RHOBTB1: variants seen among roughly 807,000 people sequenced by gnomAD.
The protein encoded by RHOBTB1 is rho-related BTB domain-containing protein 1.
A neutral mutation model predicts 71.6 loss-of-function variants in RHOBTB1; 40 were observed. The ratio of observed to expected loss-of-function variants is 0.56; its 90% CI spans 0.43 to 0.73. The LOEUF (loss-of-function observed/expected upper bound fraction) is 0.73, where lower values mean the gene tolerates loss of function less well. RHOBTB1 is among the 30% of genes least tolerant of loss of function. RHOBTB1 has a pLI of 0.00. For synonymous variants in RHOBTB1, 319 were observed against 334.9 expected (o/e 0.95, Z 0.52); for missense variants, 797 against 894.0 (o/e 0.89, Z 1.38).
chr10:60,988,127 GA>G (rs2086731151), intron 1 of RHOBTB1, among the ~76,000 whole-genome samples: 1 of 150,728 alleles, frequency 6.6e-6, no homozygotes, highest in African/African-American at 2.4e-5. Flanking sequence ...TTAGAGACGG[GA>G]TTTCACTGTG....
chr10:60,963,361 C>T (rs1027210034), intron 2 of RHOBTB1, among the ~76,000 whole-genome samples: 6 of 152,104 alleles, frequency 3.9e-5, no homozygotes, highest in African/African-American at 1.4e-4. Flanking sequence ...AATATTCTGA[C>T]TACAATAAAA....
intron 2 of RHOBTB1, among the ~76,000 whole-genome samples, chr10:60,953,716 G>A (rs1280681031): frequency 3.3e-5 from 5 of 151,970 alleles, no homozygotes; most frequent in Non-Finnish European, 7.4e-5. Flanking sequence ...TGTTTATACT[G>A]TAATATTTCT....
At chr10:60,911,590 A>C (rs1483311563) in intron 2 of RHOBTB1, 38 bp from the exon 3 acceptor site, 1 of 1,537,846 alleles carries the variant, frequency 6.5e-7, no homozygotes, top group East Asian at 2.3e-5. Flanking sequence ...AAGGACACCA[A>C]GGCTTTCCAG....
chr10:60,918,997 C>T (rs760239780), intron 2 of RHOBTB1, among the ~76,000 whole-genome samples: 8 of 152,120 alleles, frequency 5.3e-5, no homozygotes, highest in Non-Finnish European at 1.0e-4. Context: ...TCACCCACCT[C>T]GGCCTCCCAA....
chr10:60,986,431 A>T (rs1251538314), intron 1 of RHOBTB1, among the ~76,000 whole-genome samples: 3 of 134,616 alleles, frequency 2.2e-5, no homozygotes, highest in East Asian at 4.5e-4. Flanking sequence ...ATATATATAT[A>T]AAATATATAT....
intron 2 of RHOBTB1, among the ~76,000 whole-genome samples, chr10:60,931,832 T>C (rs552220458): frequency 6.6e-6 from 1 of 152,154 alleles, no homozygotes; most frequent in African/African-American, 2.4e-5. Context: ...AATTGAACCA[T>C]ATAAAAAGAC....
intron 2 of RHOBTB1, among the ~76,000 whole-genome samples, chr10:60,985,107 T>C (rs1171980927): frequency 6.6e-6 from 1 of 152,178 alleles, no homozygotes; most frequent in African/African-American, 2.4e-5. Context: ...AAATGAAATT[T>C]TACAATATTT....
At position 60,942,891 on chromosome 10, in the gene RHOBTB1, T is replaced by C. The variant is rs576110247; in HGVS notation, c.-61-1037A>G. Reference sequence around the variant, plus strand: ...TTTTTTTCTGTTTAGAGTATGTTAGTGCAGAACGTACACCACCGCAGCGGT... The same window carrying C: ...TTTTTTTCTGTTTAGAGTATGTTAGCGCAGAACGTACACCACCGCAGCGGT... On this transcript the variant is annotated intron_variant, in intron 1 of 10. Coordinates refer to ENST00000337910, the MANE Select transcript of RHOBTB1 (RefSeq NM_014836.5). Among the ~76,000 whole-genome samples, 247 of 150,542 alleles carry C rather than the reference T, an allele frequency of 1.6e-3. 1 individual carries two copies. The highest frequency in any genetic ancestry group is 5.9e-3 in the African/African-American group (241 of 40,782).
At chr10:60,982,600 G>C (rs1021578997) in intron 2 of RHOBTB1, among the ~76,000 whole-genome samples, 1 of 152,010 alleles carries the variant, frequency 6.6e-6, no homozygotes, top group Non-Finnish European at 1.5e-5. Context: ...CCCTCCAATC[G>C]TTATAGCCAA....
At chr10:60,861,130 C>T in the RHOBTB1 span, among the ~76,000 whole-genome samples, 17 of 152,246 alleles carry the variant, frequency 1.1e-4, no homozygotes, top group East Asian at 9.7e-4. Flanking sequence ...CCAGAACTGA[C>T]GGAACCGGTT....
intron 9 of RHOBTB1, among the ~76,000 whole-genome samples, chr10:60,873,038 C>A (rs2080875783): frequency 6.6e-6 from 1 of 152,194 alleles, no homozygotes; most frequent in Admixed American, 6.5e-5. Context: ...ATCCCTAGAA[C>A]CTACAGCATG....
intron 4 of RHOBTB1, among the ~76,000 whole-genome samples, chr10:60,897,818 T>G (rs561841692): frequency 1.3e-5 from 2 of 152,296 alleles, no homozygotes; most frequent in African/African-American, 2.4e-5. Context: ...GCAACTCTCC[T>G]GCCTCAGCCT....
At chr10:60,903,519 CA>C (rs2082510343) in intron 4 of RHOBTB1, among the ~76,000 whole-genome samples, 1 of 152,184 alleles carries the variant, frequency 6.6e-6, no homozygotes, top group African/African-American at 2.4e-5. Context: ...GAACCAGCTA[CA>C]AAAGACAAAA....
chr10:60,978,797 A>G lies in RHOBTB1; in HGVS notation c.-62+7048T>C, dbSNP rs186209386. Among the ~76,000 whole-genome samples, 648 of 152,206 alleles carry G rather than the reference A, an allele frequency of 4.3e-3. 2 individuals are homozygous for G. Among genetic ancestry groups the G allele is most frequent in the Non-Finnish European group, 7.1e-3 (484 of 68,012 alleles). On this transcript the variant is annotated intron_variant, in intron 2 of 11. Transcript: ENST00000357917. The stretch of plus-strand genomic sequence containing the variant: ...GTTATTTTGAAGAACTACTTATACA[A>G]AACCTGTAATCCACTCAGCACATTT...
Position 60,911,539 on chromosome 10 carries a change from C to T in RHOBTB1, c.4G>A (p.Asp2Asn). The stretch of plus-strand genomic sequence containing the variant: ...GGTCTTTCGTAGTCCATGTCAGCGT[C>T]CATTTATGAAACTCTGTAAGAAGAG... M[D>N]ADMDYERPNV... Residue 2 changes from aspartate (D) to asparagine (N), a missense_variant, in exon 3 of 11, where the codon GAC (aspartate) becomes AAC (asparagine). Physicochemically the swap from Asp to Asn is conservative, Grantham distance 23. Coordinates refer to ENST00000337910, the MANE Select transcript of RHOBTB1 (RefSeq NM_014836.5). 2 of 1,613,732 alleles carry T rather than the reference C, an allele frequency of 1.2e-6. No homozygotes were observed. The highest frequency in any genetic ancestry group is 1.7e-6 in the Non-Finnish European group (2 of 1,179,798).
intron 1 of RHOBTB1, among the ~76,000 whole-genome samples, chr10:60,994,949 A>G (rs968998891): frequency 1.5e-4 from 22 of 148,922 alleles, no homozygotes; most frequent in Admixed American, 6.6e-5. Context: ...CAAAAAACAG[A>G]GCACATAATG....
At chr10:60,861,137 G>T in the RHOBTB1 span, among the ~76,000 whole-genome samples, 1 of 152,148 alleles carries the variant, frequency 6.6e-6, no homozygotes, top group South Asian at 2.1e-4. Context: ...TGACGGAACC[G>T]GTTACCTCCC....
At chr10:60,891,086 A>G (rs930017821) in intron 5 of RHOBTB1, among the ~76,000 whole-genome samples, 1 of 152,298 alleles carries the variant, frequency 6.6e-6, no homozygotes, top group South Asian at 2.1e-4. Context: ...TGGACTTCTT[A>G]ACCTCTACAT....
chr10:60,916,888 T>A (rs2083296328), intron 2 of RHOBTB1, among the ~76,000 whole-genome samples: 1 of 152,102 alleles, frequency 6.6e-6, no homozygotes, highest in Non-Finnish European at 1.5e-5. Context: ...GCGGAAGAGG[T>A]AGGCAGGAAG....
Sources: gnomAD v4.1 joint callset for allele counts (sites outside exome capture counted in the v4.1 genomes callset) on GRCh38, gnomAD v4.1.1 for gene constraint, MANE v1.5 for transcripts, NCBI Gene and HGNC (gene_info 2026-07-23, HGNC 2026-07-21) for gene names.